HCN3: variants seen among roughly 807,000 people sequenced by gnomAD.
The protein encoded by HCN3 is hyperpolarization activated cyclic nucleotide gated potassium channel 3.
In HCN3, 36 loss-of-function variants were observed where a neutral mutation model predicts 56.8. That is an observed-to-expected ratio of 0.63 (90% CI 0.49 to 0.84). The LOEUF (loss-of-function observed/expected upper bound fraction) is 0.84, where lower values mean the gene tolerates loss of function less well. Ranked by LOEUF, HCN3 falls within the 40% of genes least tolerant of loss-of-function variation. HCN3 has a pLI of 0.00. For synonymous variants in HCN3, 425 were observed against 439.7 expected (o/e 0.97, Z 0.42); for missense variants, 930 against 1,079.3 (o/e 0.86, Z 1.94).
Position 155,288,119 on chromosome 1 carries a change from C to A in HCN3, c.1981C>A (p.Arg661=). 1 of 1,601,694 alleles carries A rather than the reference C, an allele frequency of 6.2e-7. No individual in the cohort carries two copies. Among genetic ancestry groups the A allele is most frequent in the South Asian group, 1.1e-5 (1 of 90,074 alleles). Residue 661 remains arginine (R), a synonymous_variant, in exon 8 of 8, where the codon CGA becomes AGA. Transcript: ENST00000368358. This position sits in a 1 kb window ranked among gnomAD's most constrained non-coding sequence, Gnocchi z 6.5. ...GSPASPLVPV[R]AGPWASTSRL... is the part of the protein sequence containing the mutation. Reference sequence around the variant, plus strand: ...TCCAGCTTCCCCGCTGGTGCCCGTCCGAGCTGGCCCATGGGCATCCACCTC... The same window carrying A: ...TCCAGCTTCCCCGCTGGTGCCCGTCAGAGCTGGCCCATGGGCATCCACCTC...
Position 155,287,206 on chromosome 1 carries a change from C to G in HCN3, c.1511C>G (p.Ala504Gly). The G allele has an allele frequency of 1.2e-6, 2 of 1,613,962 alleles. No individual in the cohort carries two copies. Among genetic ancestry groups the G allele is most frequent in the Non-Finnish European group, 1.7e-6 (2 of 1,179,968 alleles). The change falls in exon 7 of 8, where the codon GCC (alanine) becomes GGC (glycine). Residue 504 changes from alanine (A) to glycine (G), a missense_variant. Physicochemically the swap from Ala to Gly is moderately conservative, Grantham distance 60. Coordinates refer to ENST00000368358, the MANE Select transcript of HCN3 (RefSeq NM_020897.3). The stretch of plus-strand genomic sequence containing the variant: ...CTGCTAACTAGGGGCCGGCGCACAG[C>G]CAGTGTTCGGGCTGACACCTACTGC... ...ICLLTRGRRT[A>G]SVRADTYCRL...
chr1:155,288,021 G>T lies in HCN3; in HGVS notation c.1883G>T (p.Arg628Leu). The T allele has an allele frequency of 6.2e-7, 1 of 1,613,920 alleles. No homozygotes were observed. The highest frequency in any genetic ancestry group is 8.5e-7 in the Non-Finnish European group (1 of 1,179,976). The stretch of plus-strand genomic sequence containing the variant: ...GTGGCCATTGCCCTGACTCATCAGC[G>T]GGGCCCTCTGCCCCTCTCCCCTGAC... The part of the protein sequence containing the change: ...SNVAIALTHQ[R>L]GPLPLSPDSP... The change falls in exon 8 of 8, where the codon CGG becomes CTG. Residue 628 changes from arginine to leucine, a missense_variant. By Grantham distance (102) the Arg-to-Leu change is moderately radical. Coordinates refer to ENST00000368358, the MANE Select transcript of HCN3 (RefSeq NM_020897.3). This position sits in a 1 kb window ranked among gnomAD's most constrained non-coding sequence, Gnocchi z 6.5.
intron 1 of HCN3, among the ~76,000 whole-genome samples, chr1:155,280,103 C>T (rs1192029520): frequency 1.3e-5 from 2 of 151,530 alleles, no homozygotes; most frequent in Non-Finnish European, 2.9e-5. Flanking sequence ...CATGCCACCA[C>T]GCCTGGCTAA....
chr1:155,277,757 C>G lies in HCN3; in HGVS notation c.167C>G (p.Thr56Arg). The change falls in exon 1 of 8, where the codon ACG becomes AGG. Residue 56 changes from threonine (T) to arginine (R), a missense_variant. By Grantham distance (71) the Thr-to-Arg change is moderately conservative. Transcript: ENST00000368358. ...CACCTTGGGACGCTGCTCCAGCCTACGGTCAACAAGTTCTCCCTTCGGGTG... is the reference window on the plus strand; with the variant it reads ...CACCTTGGGACGCTGCTCCAGCCTAGGGTCAACAAGTTCTCCCTTCGGGTG... ...RRHLGTLLQP[T>R]VNKFSLRVFG... The G allele has an allele frequency of 1.9e-6, 3 of 1,607,260 alleles. No individual in the cohort carries two copies. Among genetic ancestry groups the G allele is most frequent in the Non-Finnish European group, 2.5e-6 (3 of 1,177,294 alleles).
rs754284796 is a variant in HCN3 at position 155,288,431 on chromosome 1, C to T, written c.2293C>T (p.Pro765Ser). The T allele has an allele frequency of 4.4e-6, 7 of 1,606,430 alleles. No individual in the cohort carries two copies. The South Asian group carries it at 6.6e-5, about 15-fold the overall frequency. The change falls in exon 8 of 8, where the codon CCC becomes TCC. Residue 765 changes from proline (P) to serine (S), a missense_variant. Physicochemically the swap from Pro to Ser is moderately conservative, Grantham distance 74. Transcript: ENST00000368358. This position sits in a 1 kb window ranked among gnomAD's most constrained non-coding sequence, Gnocchi z 6.5. ...GCCACCAGTGCCTGAGCCAGCCACA[C>T]CCCGGGGTCTCCAGCTTTCTGCCAA... ...PRPPVPEPAT[P>S]RGLQLSANM
chr1:155,283,918 G>A, intron 2 of HCN3, 56 bp from the exon 3 acceptor site: 1 of 1,570,630 alleles, frequency 6.4e-7, no homozygotes. Flanking sequence ...TGGGAATGGA[G>A]GAGGACAAGC....
In HCN3 at chr1:155,277,517, C is replaced by T. The variant is rs560043185; in HGVS notation, c.-74C>T. On this transcript the variant is annotated 5_prime_UTR_variant, in exon 1 of 8. Coordinates refer to ENST00000368358, the MANE Select transcript of HCN3 (RefSeq NM_020897.3). Reference sequence around the variant, plus strand: ...GCCCGCGGGGCTGCGCCGACTCCTGCTCTGGAGGGGTTGCGGGTACCTGAT... The same window carrying T: ...GCCCGCGGGGCTGCGCCGACTCCTGTTCTGGAGGGGTTGCGGGTACCTGAT... 4.0e-3 allele frequency: 5,925 copies of T among 1,471,874 alleles called. 13 individuals are homozygous for T. Among genetic ancestry groups the T allele is most frequent in the Non-Finnish European group, 4.9e-3 (5,412 of 1,108,870 alleles). 91.2% of individuals were successfully genotyped at this position (1,471,874 alleles called of 1,614,324 possible).
At chr1:155,280,724 C>A (rs907836642) in intron 1 of HCN3, among the ~76,000 whole-genome samples, 5 of 146,672 alleles carry the variant, frequency 3.4e-5, no homozygotes, top group African/African-American at 7.7e-5. Context: ...AGGCGTGAGC[C>A]ACCACGCCCA....
At chr1:155,286,801 A>G (rs115291061) in intron 6 of HCN3, among the ~76,000 whole-genome samples, 1,814 of 126,206 alleles carry the variant, frequency 0.014, 53 homozygotes, top group African/African-American at 0.051. Flanking sequence ...GTGTTTATTC[A>G]AGGGGGTGGG....
rs576982862 is a variant in HCN3 at position 155,285,128 on chromosome 1, C to T, written c.1090-37C>T. On this transcript the variant is annotated intron_variant, in intron 4 of 7. Transcript: ENST00000368358. This position sits in a 1 kb window ranked among gnomAD's most constrained non-coding sequence, Gnocchi z 4.5. The stretch of plus-strand genomic sequence containing the variant: ...CTGTGCCGGCCCCAAATCTCTCCCT[C>T]TGTCCTCTTGCCCCTGGCAATGGGC... 133 of 1,606,394 alleles carry T rather than the reference C, an allele frequency of 8.3e-5. No homozygotes were observed. Among genetic ancestry groups the T allele is most frequent in the Admixed American group, 1.5e-4 (9 of 59,566 alleles).
chr1:155,287,827 A>C lies in HCN3; in HGVS notation c.1689A>C (p.Pro563=). ...AGCGGAAGCGCTCCGAGCCAAGTCC[A>C]GGCAGCAGTGGTGGCATCATGGAGC... ...ILQRKRSEPS[P]GSSGGIMEQH... Residue 563 remains proline (P), a synonymous_variant, in exon 8 of 8, where the codon CCA becomes CCC. Transcript: ENST00000368358. 1 of 1,609,858 alleles carries C rather than the reference A, an allele frequency of 6.2e-7. No homozygotes were observed. The highest frequency in any genetic ancestry group is 8.5e-7 in the Non-Finnish European group (1 of 1,176,984).
chr1:155,279,771 G>A (rs1387942086), intron 1 of HCN3, among the ~76,000 whole-genome samples: 1 of 152,090 alleles, frequency 6.6e-6, no homozygotes, highest in Non-Finnish European at 1.5e-5. Flanking sequence ...GTACCACACT[G>A]TCACATCTAT....
intron 1 of HCN3, among the ~76,000 whole-genome samples, chr1:155,280,504 T>A (rs1262631442): frequency 1.3e-5 from 2 of 150,260 alleles, no homozygotes; most frequent in Non-Finnish European, 3.0e-5. Flanking sequence ...TGGCACAATC[T>A]CGGCTCACTG....
chr1:155,286,072 C>G lies in HCN3; in HGVS notation c.1477+108C>G, dbSNP rs1674275572. 1.6e-5 allele frequency: 23 copies of G among 1,412,220 alleles called. No homozygotes were observed. In the East Asian group the frequency reaches 5.3e-4, roughly 33 times the overall value. The allele number at this position is 1,412,220 out of a possible 1,614,324, so 87.5% of individuals were successfully genotyped here. ...CAGTACGCTGCAGAATCACAGAGCT[C>G]CAGCCCCTCCCCAGGCCTACTCAGT... On this transcript the variant is annotated intron_variant, in intron 6 of 7. Transcript: ENST00000368358.
rs971710679 is a variant in HCN3 at position 155,282,460 on chromosome 1, G to A, written c.328G>A (p.Val110Ile). The A allele has an allele frequency of 1.2e-5, 19 of 1,614,086 alleles. No homozygotes were observed. Among genetic ancestry groups the A allele is most frequent in the Non-Finnish European group, 1.4e-5 (17 of 1,180,050 alleles). Residue 110 changes from valine to isoleucine, a missense_variant, in exon 2 of 8, where the codon GTC (valine) becomes ATC (isoleucine). Coordinates refer to ENST00000368358, the MANE Select transcript of HCN3 (RefSeq NM_020897.3). The surrounding 1 kb of genome is among the most constrained non-coding windows in gnomAD (Gnocchi z 4.7). The stretch of plus-strand genomic sequence containing the variant: ...GCTGCTGATGGTGGGGAACCTCATC[G>A]TCCTGCCTGTGGGCATCACCTTCTT... ...MLLLMVGNLI[V>I]LPVGITFFKE...
Position 155,287,243 on chromosome 1 carries a change from A to G in HCN3, c.1548A>G (p.Ser516=). 1 of 1,613,854 alleles carries G rather than the reference A, an allele frequency of 6.2e-7. No homozygotes were observed. Among genetic ancestry groups the G allele is most frequent in the African/African-American group, 1.3e-5 (1 of 74,934 alleles). ...VRADTYCRLY[S]LSVDHFNAVL... ...CTGACACCTACTGCCGCCTTTACTC[A>G]CTCAGCGTGGACCATTTCAATGCTG... Residue 516 remains serine (S), a synonymous_variant, in exon 7 of 8, where the codon TCA becomes TCG. Transcript: ENST00000368358.
chr1:155,284,748 C>G lies in HCN3; in HGVS notation c.1080C>G (p.Tyr360Ter), dbSNP rs1674208479. Reference sequence around the variant, plus strand: ...CCCTGGACTCTTCCCGGCGTCAGTACCAGGAGAAGGTCAGCAGGGACAGGA... The same window carrying G: ...CCCTGGACTCTTCCCGGCGTCAGTAGCAGGAGAAGGTCAGCAGGGACAGGA... ...IQSLDSSRRQYQEKYKQVEQY... is the reference protein window; with the variant it reads ...IQSLDSSRRQ The change falls in exon 4 of 8, where the codon TAC (tyrosine) becomes TAG (stop). Residue 360 changes from tyrosine (Y) to a stop codon, truncating the protein, a stop_gained. Transcript: ENST00000368358. LOFTEE classifies it high-confidence loss of function. This position sits in a 1 kb window ranked among gnomAD's most constrained non-coding sequence, Gnocchi z 4.3. The G allele has an allele frequency of 6.2e-7, 1 of 1,613,394 alleles. No homozygotes were observed. The highest frequency in any genetic ancestry group is 2.2e-5 in the East Asian group (1 of 44,854).
chr1:155,284,515 T>A lies in HCN3; in HGVS notation c.871-24T>A. Reference sequence around the variant, plus strand: ...AGGCTCCGAGGGGCCCATGCCCAGCTCTGCAATATACTCTGCCCCTCAGAA... The same window carrying A: ...AGGCTCCGAGGGGCCCATGCCCAGCACTGCAATATACTCTGCCCCTCAGAA... On this transcript the variant is annotated intron_variant, in intron 3 of 7. Coordinates refer to ENST00000368358, the MANE Select transcript of HCN3 (RefSeq NM_020897.3). This position sits in a 1 kb window ranked among gnomAD's most constrained non-coding sequence, Gnocchi z 4.3. The A allele has an allele frequency of 6.3e-7, 1 of 1,596,174 alleles. No homozygotes were observed. Among genetic ancestry groups the A allele is most frequent in the Non-Finnish European group, 8.6e-7 (1 of 1,167,654 alleles).
chr1:155,288,548 A>T lies in HCN3; in HGVS notation c.*85A>T, dbSNP rs892306090. 51 of 1,477,064 alleles carry T rather than the reference A, an allele frequency of 3.5e-5. No homozygotes were observed. Among genetic ancestry groups the T allele is most frequent in the Middle Eastern group, 1.8e-4 (1 of 5,504 alleles). The allele number at this position is 1,477,064 out of a possible 1,614,324, so 91.5% of individuals were successfully genotyped here. On this transcript the variant is annotated 3_prime_UTR_variant, in exon 8 of 8. Transcript: ENST00000368358. The surrounding 1 kb of genome is among the most constrained non-coding windows in gnomAD (Gnocchi z 6.5). ...ATGCCTCTTGGGGAAGGCCATGGGG[A>T]CCTGAAACATTGCCCCATGGAAATG...
Sources: gnomAD v4.1 joint callset for allele counts (sites outside exome capture counted in the v4.1 genomes callset) on GRCh38, gnomAD v4.1.1 for gene constraint, Gnocchi (gnomAD v3.1) non-coding constraint, MANE v1.5 for transcripts, NCBI Gene and HGNC (gene_info 2026-07-23, HGNC 2026-07-21) for gene names.